Variants in MANBAL observed in about 807,000 individuals in gnomAD.
The protein encoded by MANBAL is protein MANBAL.
In MANBAL, 1 loss-of-function variant was observed where a neutral mutation model predicts 6.4. That is an observed-to-expected ratio of 0.16 (90% CI 0.06 to 0.74). The LOEUF is 0.74. MANBAL is among the 30% of genes least tolerant of loss of function. MANBAL has a pLI of 0.78. For synonymous variants in MANBAL, 47 were observed against 45.8 expected (o/e 1.03, Z -0.10); for missense variants, 100 against 107.8 (o/e 0.93, Z 0.32).
At chr20:37,312,762 C>T (rs2069416693) in intron 2 of MANBAL, among the ~76,000 whole-genome samples, 1 of 152,210 alleles carries the variant, frequency 6.6e-6, no homozygotes, top group Non-Finnish European at 1.5e-5. Context: ...CCTCCTGTCT[C>T]AACCTCTCGA....
At chr20:37,311,907 G>A (rs1214085394) in intron 2 of MANBAL, among the ~76,000 whole-genome samples, 1 of 152,234 alleles carries the variant, frequency 6.6e-6, no homozygotes, top group Admixed American at 6.5e-5. Flanking sequence ...CAGTGGGGCC[G>A]GCAGGGGACC....
intron 1 of MANBAL, among the ~76,000 whole-genome samples, chr20:37,290,459 C>T (rs2068841235): frequency 6.6e-6 from 1 of 150,590 alleles, no homozygotes; most frequent in Non-Finnish European, 1.5e-5. Context: ...TTTTTTAAAG[C>T]CATTCTATTT....
chr20:37,303,325 A>G (rs147536990), intron 2 of MANBAL, among the ~76,000 whole-genome samples: 13 of 152,358 alleles, frequency 8.5e-5, no homozygotes, highest in African/African-American at 2.6e-4. Flanking sequence ...GGGACATTAG[A>G]AGTTTTCAGT....
rs143329022 is a variant in MANBAL, at chr20:37,305,204, A to G, written c.150+3791A>G. Among the ~76,000 whole-genome samples the G allele has an allele frequency of 1.2e-4, 18 of 152,298 alleles. No individual in the cohort carries two copies. The East Asian group carries it at 3.3e-3, about 28-fold the overall frequency. On this transcript the variant is annotated intron_variant, in intron 2 of 2. Transcript: ENST00000373606. ...TGGGCTCTGTCCCTGCAGACGTGGC[A>G]TGCTATTCGGTATTATAAATAACAA... is the stretch of plus-strand genomic sequence containing the variant.
At chr20:37,292,958 A>G (rs938767659) in intron 1 of MANBAL, among the ~76,000 whole-genome samples, 2 of 152,214 alleles carry the variant, frequency 1.3e-5, no homozygotes, top group African/African-American at 2.4e-5. Flanking sequence ...TGGACAGAGT[A>G]AGAGACATAC....
intron 2 of MANBAL, among the ~76,000 whole-genome samples, chr20:37,307,796 T>G (rs1219788252): frequency 6.6e-6 from 1 of 152,026 alleles, no homozygotes; most frequent in Non-Finnish European, 1.5e-5. Context: ...ACAGCATTAT[T>G]ACTTGAAACC....
chr20:37,310,737 C>A (rs569161987), intron 2 of MANBAL, among the ~76,000 whole-genome samples: 4 of 152,122 alleles, frequency 2.6e-5, no homozygotes, highest in African/African-American at 9.7e-5. Context: ...CCACAGAGGA[C>A]GCCACTGTGA....
chr20:37,296,176 T>C (rs978493930), intron 1 of MANBAL, among the ~76,000 whole-genome samples: 16 of 152,244 alleles, frequency 1.1e-4, no homozygotes, highest in African/African-American at 3.9e-4. Flanking sequence ...CACATGTGGC[T>C]GGTGGCTACC....
At chr20:37,291,616 C>A (rs192948438) in intron 1 of MANBAL, among the ~76,000 whole-genome samples, 3 of 152,098 alleles carry the variant, frequency 2.0e-5, no homozygotes, top group Non-Finnish European at 4.4e-5. Flanking sequence ...TGATAGGGTT[C>A]GGCTGTGTCC....
intron 2 of MANBAL, among the ~76,000 whole-genome samples, chr20:37,305,255 C>A (rs1358444896): frequency 1.3e-5 from 2 of 152,152 alleles, no homozygotes; most frequent in Non-Finnish European, 2.9e-5. Flanking sequence ...GCTGATGAGG[C>A]CTGCTAAGAG....
At position 37,301,192 on chromosome 20, in the gene MANBAL, C is replaced by G. The variant is rs2069126048; in HGVS notation, c.-56-16C>G. The G allele has an allele frequency of 1.5e-6, 2 of 1,346,390 alleles. No homozygotes were observed. The highest frequency in any genetic ancestry group is 3.0e-5 in the African/African-American group (2 of 67,330). 83.4% of individuals were successfully genotyped at this position (1,346,390 alleles called of 1,614,324 possible). On this transcript the variant is annotated splice_polypyrimidine_tract_variant and intron_variant, in intron 1 of 2. Transcript: ENST00000373606. ...TCAGTTACAGAAATATGACACTGAC[C>G]CTTTGCATTTACAAGTTGGTTCTAA...
chr20:37,300,040 GCCT>G (rs1374598714), intron 1 of MANBAL, among the ~76,000 whole-genome samples: 2 of 152,166 alleles, frequency 1.3e-5, no homozygotes, highest in African/African-American at 4.8e-5. Flanking sequence ...ATTGGCAGGG[GCCT>G]CCTCCTGGCT....
chr20:37,290,619 C>A (rs995234072), intron 1 of MANBAL, among the ~76,000 whole-genome samples: 4 of 152,030 alleles, frequency 2.6e-5, no homozygotes, highest in African/African-American at 9.7e-5. Context: ...CCACCACGCC[C>A]GGCTAATTTT....
intron 2 of MANBAL, among the ~76,000 whole-genome samples, chr20:37,304,530 C>T (rs1379035758): frequency 6.6e-6 from 1 of 152,114 alleles, no homozygotes; most frequent in Non-Finnish European, 1.5e-5. Flanking sequence ...ATATTCCCCC[C>T]TTCATTAAAT....
chr20:37,309,991 A>G (rs937848015), intron 2 of MANBAL, among the ~76,000 whole-genome samples: 10 of 152,146 alleles, frequency 6.6e-5, no homozygotes, highest in Non-Finnish European at 1.5e-5. Flanking sequence ...ATGAGGGTAT[A>G]AACATGCTTC....
chr20:37,291,324 TAACTC>T (rs2068864056), intron 1 of MANBAL, among the ~76,000 whole-genome samples: 1 of 152,230 alleles, frequency 6.6e-6, no homozygotes, highest in Non-Finnish European at 1.5e-5. Context: ...ACATTATTAT[TAACTC>T]TAATCTGTAC....
intron 1 of MANBAL, among the ~76,000 whole-genome samples, chr20:37,296,521 T>C (rs2069000652): frequency 6.6e-6 from 1 of 152,226 alleles, no homozygotes. Flanking sequence ...AATGTTTATA[T>C]TTGCCGGGTT....
intron 2 of MANBAL, among the ~76,000 whole-genome samples, chr20:37,314,903 A>G (rs1329770208): frequency 6.6e-6 from 1 of 152,226 alleles, no homozygotes. Flanking sequence ...CAATGGGGCA[A>G]GCAGGGAAGG....
At chr20:37,302,142 C>G in intron 2 of MANBAL, 1 of 1,252,000 alleles carries the variant, frequency 8.0e-7, no homozygotes, top group South Asian at 1.4e-5. Flanking sequence ...TTGCCCACTC[C>G]CATTTGCTCG....
Sources: gnomAD v4.1 joint callset for allele counts (sites outside exome capture counted in the v4.1 genomes callset) on GRCh38, gnomAD v4.1.1 for gene constraint, MANE v1.5 for transcripts, NCBI Gene and HGNC (gene_info 2026-07-23, HGNC 2026-07-21) for gene names.